Variants in CBFA2T2 observed in about 807,000 individuals in gnomAD.
CBFA2T2 encodes the protein CBFA2/RUNX1 partner transcriptional co-repressor 2.
Under a neutral mutation model 62.2 loss-of-function variants are expected in CBFA2T2, and 11 were observed. That is an observed-to-expected ratio of 0.18 (90% CI 0.11 to 0.29). The LOEUF is 0.29. Ranked by LOEUF, CBFA2T2 falls within the 10% of genes least tolerant of loss-of-function variation. The pLI, the probability that CBFA2T2 is intolerant of heterozygous loss-of-function variation, is 1.00. For synonymous variants in CBFA2T2, 295 were observed against 287.5 expected, an observed-to-expected ratio of 1.03 and a Z score of -0.27; for missense variants, 592 against 774.1, an observed-to-expected ratio of 0.76 and a Z score of 2.79.
At chr20:33,504,513 C>T (rs546200716) in intron 1 of CBFA2T2, among the ~76,000 whole-genome samples, 3 of 150,516 alleles carry the variant, frequency 2.0e-5, no homozygotes, top group Middle Eastern at 3.4e-3. Flanking sequence ...AGCAAATTCT[C>T]CTGCCTCAGT....
Position 33,644,814 on chromosome 20 carries a change from A to T in CBFA2T2, c.*168A>T. 1 of 702,466 alleles carries T rather than the reference A, an allele frequency of 1.4e-6. No individual in the cohort carries two copies. The highest frequency in any genetic ancestry group is 2.3e-6 in the Non-Finnish European group (1 of 434,662). The allele number at this position is 702,466 out of a possible 1,614,324, so 43.5% of individuals were successfully genotyped here. A position where few individuals can be genotyped will look rare whatever the true frequency, so the allele number is the denominator to read the frequency against. ...ATAACACCCCACAGCCTCTCTGTGC[A>T]CTTGCTGTCTGCGGAGCCAGTGTGC... On this transcript the variant is annotated 3_prime_UTR_variant, in exon 11 of 11. Coordinates refer to ENST00000342704, the MANE Select transcript of CBFA2T2 (RefSeq NM_001032999.3).
chr20:33,549,177 T>A (rs980783528), intron 1 of CBFA2T2, among the ~76,000 whole-genome samples: 15 of 151,968 alleles, frequency 9.9e-5, no homozygotes, highest in Non-Finnish European at 1.8e-4. Flanking sequence ...AATCGAAAAA[T>A]TATTAAAAAC....
At chr20:33,580,069 G>A (rs1354840884) in intron 1 of CBFA2T2, among the ~76,000 whole-genome samples, 10 of 151,784 alleles carry the variant, frequency 6.6e-5, no homozygotes, top group African/African-American at 1.9e-4. Flanking sequence ...CATCCGCCTC[G>A]GCCTCCCAAA....
At chr20:33,623,391 T>C in intron 5 of CBFA2T2, 95 bp downstream of exon 5, 4 of 1,450,002 alleles carry the variant, frequency 2.8e-6, no homozygotes, top group Non-Finnish European at 3.8e-6. Context: ...GCTGTGGTTG[T>C]AATGTCTCAA....
chr20:33,552,099 A>G (rs17124755), intron 1 of CBFA2T2, among the ~76,000 whole-genome samples: 3,413 of 151,368 alleles, frequency 0.023, 125 homozygotes, highest in African/African-American at 0.078. Flanking sequence ...TTAAGTTGAC[A>G]AAATTTTTTC....
chr20:33,570,910 C>T (rs2013535494), intron 1 of CBFA2T2, among the ~76,000 whole-genome samples: 2 of 152,194 alleles, frequency 1.3e-5, no homozygotes, highest in South Asian at 4.1e-4. Flanking sequence ...GCAAACTGTG[C>T]TTCTGTCTCC....
At chr20:33,582,593 G>C (rs774029411) in intron 1 of CBFA2T2, among the ~76,000 whole-genome samples, 9 of 152,224 alleles carry the variant, frequency 5.9e-5, no homozygotes, top group Non-Finnish European at 8.8e-5. Context: ...GGCTGAGGCA[G>C]GAAGATCACT....
At chr20:33,620,590 T>C (rs1292359917) in intron 4 of CBFA2T2, among the ~76,000 whole-genome samples, 1 of 151,890 alleles carries the variant, frequency 6.6e-6, no homozygotes, top group Non-Finnish European at 1.5e-5. Flanking sequence ...CTATAATCCA[T>C]GCACGTTGGG....
At chr20:33,528,015 A>G (rs543815895) in intron 1 of CBFA2T2, among the ~76,000 whole-genome samples, 1 of 151,976 alleles carries the variant, frequency 6.6e-6, no homozygotes, top group Admixed American at 6.6e-5. Flanking sequence ...TCATGCCACT[A>G]TACCTGGCTG....
intron 1 of CBFA2T2, among the ~76,000 whole-genome samples, chr20:33,513,788 C>G (rs529028943): frequency 7.5e-5 from 9 of 119,526 alleles, no homozygotes; most frequent in Admixed American, 4.3e-4. Context: ...CGCTACTGGC[C>G]GGGTGACAGA....
intron 10 of CBFA2T2, 52 bp downstream of exon 10, chr20:33,640,583 C>A: frequency 6.5e-7 from 1 of 1,534,864 alleles, no homozygotes; most frequent in Non-Finnish European, 9.0e-7. Context: ...GTGACCACGC[C>A]CGCTGCCTTC....
chr20:33,612,315 A>C (rs944925548), intron 3 of CBFA2T2, among the ~76,000 whole-genome samples: 4 of 152,208 alleles, frequency 2.6e-5, no homozygotes, highest in Non-Finnish European at 5.9e-5. Context: ...TTTACCTCCA[A>C]TAAAAGCATT....
intron 3 of CBFA2T2, among the ~76,000 whole-genome samples, chr20:33,618,076 C>T (rs987327278): frequency 6.6e-6 from 1 of 151,848 alleles, no homozygotes; most frequent in Non-Finnish European, 1.5e-5. Context: ...TGCCTTAATG[C>T]GTACAAATCT....
intron 10 of CBFA2T2, among the ~76,000 whole-genome samples, chr20:33,642,060 G>A (rs1225140792): frequency 6.7e-6 from 1 of 148,650 alleles, no homozygotes; most frequent in African/African-American, 2.5e-5. Context: ...TGAGAAAATA[G>A]TTTCTTTAAT....
chr20:33,560,376 A>G (rs2013041067), intron 1 of CBFA2T2, among the ~76,000 whole-genome samples: 1 of 152,244 alleles, frequency 6.6e-6, no homozygotes, highest in South Asian at 2.1e-4. Context: ...TGATGCTGAC[A>G]CTAGCTATGT....
At position 33,636,684 on chromosome 20, in the gene CBFA2T2, C is replaced by T. The variant is rs1187981504; in HGVS notation, c.1273C>T (p.Pro425Ser). The T allele has an allele frequency of 1.2e-6, 2 of 1,613,486 alleles. No individual in the cohort carries two copies. Among genetic ancestry groups the T allele is most frequent in the Admixed American group, 1.7e-5 (1 of 59,990 alleles). Residue 425 changes from proline to serine, a missense_variant, in exon 9 of 11, where the codon CCT becomes TCT. Around this residue, in one of 3 missense-constraint regions of CBFA2T2, gnomAD observed 449 missense variants for 551.2 expected, o/e 0.81. Transcript: ENST00000342704. ...CAGCAGGCCAGGTACAGGATACGTACCTGTGGAGTTTTGGAAAAAAACAGG... is the reference window on the plus strand; with the variant it reads ...CAGCAGGCCAGGTACAGGATACGTATCTGTGGAGTTTTGGAAAAAAACAGG... ...FNSRPGTGYV[P>S]VEFWKKTEEA...
At chr20:33,608,904 A>G (rs982624279) in intron 2 of CBFA2T2, among the ~76,000 whole-genome samples, 1 of 152,216 alleles carries the variant, frequency 6.6e-6, no homozygotes, top group African/African-American at 2.4e-5. Flanking sequence ...GTGAAAACAA[A>G]GAAATGGCAG....
At position 33,623,205 on chromosome 20, in the gene CBFA2T2, C is replaced by A; in HGVS notation, c.601C>A (p.Leu201Ile). 6.2e-7 allele frequency: 1 copy of A among 1,614,218 alleles called. No homozygotes were observed. Among genetic ancestry groups the A allele is most frequent in the Non-Finnish European group, 8.5e-7 (1 of 1,180,028 alleles). ...PSQYLAQHEH[L>I]LLNTSIASPA... ...CCAGTACCTGGCTCAGCACGAACAC[C>A]TTCTGCTCAACACAAGCATTGCATC... is the stretch of plus-strand genomic sequence containing the variant. The change falls in exon 5 of 11, where the codon CTT (leucine) becomes ATT (isoleucine). Residue 201 changes from leucine (L) to isoleucine (I), a missense_variant. Leu to Ile is a conservative substitution (Grantham distance 5). Coordinates refer to ENST00000342704, the MANE Select transcript of CBFA2T2 (RefSeq NM_001032999.3).
intron 10 of CBFA2T2, among the ~76,000 whole-genome samples, chr20:33,640,755 A>T (rs1439305992): frequency 2.2e-4 from 34 of 151,726 alleles, no homozygotes; most frequent in Admixed American, 2.2e-3. Context: ...ACATATATAT[A>T]TAGAGAGAGA....
Sources: gnomAD v4.1 joint callset for allele counts (sites outside exome capture counted in the v4.1 genomes callset) on GRCh38, gnomAD v4.1.1 for gene constraint, gnomAD v4.1.1 regional missense constraint, MANE v1.5 for transcripts, NCBI Gene and HGNC (gene_info 2026-07-23, HGNC 2026-07-21) for gene names.